VPS41: variants seen among roughly 807,000 people sequenced by gnomAD.
VPS41 encodes VPS41 subunit of HOPS complex.
In VPS41, 85 loss-of-function variants were observed where a neutral mutation model predicts 130.9. That is an observed-to-expected ratio of 0.65 (90% CI 0.55 to 0.78). The LOEUF is 0.78. VPS41 is among the 30% of genes least tolerant of loss of function. The pLI is 0.00. For missense variants in VPS41, 874 were observed against 1,018.7 expected (o/e 0.86, Z 1.93); for synonymous variants, 335 against 332.9 (o/e 1.01, Z -0.07).
At chr7:38,793,516 T>C (rs746181233) in intron 9 of VPS41, among the ~76,000 whole-genome samples, 3 of 152,202 alleles carry the variant, frequency 2.0e-5, no homozygotes, top group Admixed American at 1.3e-4. Flanking sequence ...AAAAATTGTA[T>C]AGAAGCTGGA....
chr7:38,847,826 G>A (rs1785760530), intron 4 of VPS41, among the ~76,000 whole-genome samples: 1 of 152,188 alleles, frequency 6.6e-6, no homozygotes, highest in Non-Finnish European at 1.5e-5. Flanking sequence ...GATAGCTGCA[G>A]CAATGCTAAT....
intron 14 of VPS41, among the ~76,000 whole-genome samples, chr7:38,770,978 T>C (rs888541682): frequency 6.6e-6 from 1 of 152,184 alleles, no homozygotes; most frequent in Non-Finnish European, 1.5e-5. Context: ...ACAGATACAG[T>C]TTCCAAATTA....
chr7:38,775,656 C>G (rs1159838494), intron 11 of VPS41: 1 of 152,104 alleles, frequency 6.6e-6, no homozygotes, highest in Non-Finnish European at 1.5e-5. Context: ...TGAGTGTTCA[C>G]TTAAGTCTAT....
intron 5 of VPS41, among the ~76,000 whole-genome samples, chr7:38,824,184 T>G (rs1350431978): frequency 6.6e-6 from 1 of 152,206 alleles, no homozygotes; most frequent in Non-Finnish European, 1.5e-5. Flanking sequence ...AATAAGGTCA[T>G]GTACTGCATG....
In VPS41 at chr7:38,763,563, G is replaced by T; in HGVS notation, c.1330-16C>A. 6.5e-7 allele frequency: 1 copy of T among 1,530,620 alleles called. No individual in the cohort carries two copies. Among genetic ancestry groups the T allele is most frequent in the Non-Finnish European group, 8.8e-7 (1 of 1,131,646 alleles). The allele number at this position is 1,530,620 out of a possible 1,614,324, so 94.8% of individuals were successfully genotyped here. ...GACTAATAGCCTAGGTAAGGAAAAG[G>T]GAAAAAAAAGTCCATTAAAATATGA... On this transcript the variant is annotated splice_polypyrimidine_tract_variant and intron_variant, in intron 16 of 28. Transcript: ENST00000310301.
chr7:38,880,994 T>C (rs1231344862), intron 2 of VPS41, among the ~76,000 whole-genome samples: 2 of 152,318 alleles, frequency 1.3e-5, no homozygotes, highest in South Asian at 2.1e-4. Flanking sequence ...AACTCTGAAA[T>C]GCGGCCTAAT....
intron 5 of VPS41, among the ~76,000 whole-genome samples, chr7:38,822,127 A>G (rs977791231): frequency 6.6e-6 from 1 of 152,260 alleles, no homozygotes; most frequent in Non-Finnish European, 1.5e-5. Context: ...AAGTTGTTCC[A>G]GGCTACTTTA....
At chr7:38,762,046 A>C (rs1022905303) in intron 17 of VPS41, among the ~76,000 whole-genome samples, 5 of 152,186 alleles carry the variant, frequency 3.3e-5, no homozygotes, top group African/African-American at 1.2e-4. Context: ...GCCTCATGGT[A>C]CTGCCAACTT....
At chr7:38,871,218 A>G (rs1786350694) in intron 2 of VPS41, among the ~76,000 whole-genome samples, 1 of 152,236 alleles carries the variant, frequency 6.6e-6, no homozygotes, top group South Asian at 2.1e-4. Context: ...TCATAGTAAA[A>G]AGAAAATTAG....
intron 10 of VPS41, among the ~76,000 whole-genome samples, chr7:38,784,642 GA>G (rs1326317348): frequency 7.2e-6 from 1 of 139,150 alleles, no homozygotes; most frequent in Non-Finnish European, 1.6e-5. Flanking sequence ...TCGAAAGAAG[GA>G]GGGGGGGAGT....
intron 5 of VPS41, among the ~76,000 whole-genome samples, chr7:38,826,310 G>C (rs2116149451): frequency 6.6e-6 from 1 of 152,220 alleles, no homozygotes; most frequent in East Asian, 1.9e-4. Context: ...TGCCTGTTCT[G>C]GAATGGATAA....
chr7:38,854,710 T>C (rs1213841371), intron 4 of VPS41, among the ~76,000 whole-genome samples: 5 of 152,198 alleles, frequency 3.3e-5, no homozygotes, highest in African/African-American at 4.8e-5. Flanking sequence ...CTTATTTCTA[T>C]CAGTTCACCA....
chr7:38,759,318 G>A (rs1048965509), intron 17 of VPS41, among the ~76,000 whole-genome samples: 11 of 152,238 alleles, frequency 7.2e-5, no homozygotes, highest in African/African-American at 2.6e-4. Flanking sequence ...GGTGTGTAGC[G>A]GAAAAACCCA....
intron 22 of VPS41, among the ~76,000 whole-genome samples, chr7:38,749,373 T>G (rs537118606): frequency 9.2e-5 from 14 of 152,098 alleles, no homozygotes; most frequent in Non-Finnish European, 2.1e-4. Context: ...CAACCAAAAT[T>G]AGAAAGATAT....
Position 38,821,271 on chromosome 7 carries a change from A to G in VPS41, c.322-6T>C. The G allele has an allele frequency of 6.2e-7, 1 of 1,611,920 alleles. No homozygotes were observed. The highest frequency in any genetic ancestry group is 1.1e-5 in the South Asian group (1 of 90,988). On this transcript the variant is annotated splice_polypyrimidine_tract_variant and splice_region_variant and intron_variant, in intron 5 of 28. Transcript: ENST00000310301. ...TACAGTCCAAATACCTGCACCTACA[A>G]AGAAAATGGATTGTATCAGCTCACC... is the stretch of plus-strand genomic sequence containing the variant.
intron 16 of VPS41, 97 bp downstream of exon 16, chr7:38,765,483 G>T (rs1057007481): frequency 3.9e-6 from 3 of 761,020 alleles, no homozygotes; most frequent in Non-Finnish European, 6.2e-6. Context: ...TAATAATCAC[G>T]TCCTAAAAAA....
chr7:38,888,341 C>A (rs1355205912), intron 2 of VPS41, among the ~76,000 whole-genome samples: 1 of 151,890 alleles, frequency 6.6e-6, no homozygotes, highest in Non-Finnish European at 1.5e-5. Context: ...ATGTAGAAAG[C>A]AAATGAAAAG....
chr7:38,843,547 T>G (rs1785658327), intron 4 of VPS41, among the ~76,000 whole-genome samples: 3 of 151,640 alleles, frequency 2.0e-5, no homozygotes, highest in Admixed American at 2.0e-4. Context: ...CCGGGCGCGG[T>G]GCTGGGCGCC....
chr7:38,871,973 GA>G (rs1786374576), intron 2 of VPS41, among the ~76,000 whole-genome samples: 1 of 152,140 alleles, frequency 6.6e-6, no homozygotes, highest in Non-Finnish European at 1.5e-5. Context: ...AAAATGTACT[GA>G]TTTAAAACAA....
Sources: allele counts gnomAD v4.1 joint callset (sites outside exome capture counted in the v4.1 genomes callset), GRCh38; gene constraint gnomAD v4.1.1; transcripts MANE v1.5; gene names NCBI Gene and HGNC (gene_info 2026-07-23, HGNC 2026-07-21).